The following PARN variants were observed in gnomAD, a reference collection of about 807,000 sequenced individuals.
PARN encodes poly(A)-specific ribonuclease, also known as poly(A)-specific ribonuclease PARN.
In PARN, 71 loss-of-function variants were observed where a neutral mutation model predicts 102.8. The ratio of observed to expected loss-of-function variants is 0.69; its 90% CI spans 0.57 to 0.84. PARN has a LOEUF of 0.84. PARN is among the 40% of genes least tolerant of loss of function. The pLI, the probability that PARN is intolerant of heterozygous loss-of-function variation, is 0.00. For synonymous variants in PARN, 261 were observed against 252.9 expected, an observed-to-expected ratio of 1.03 and a Z score of -0.30; for missense variants, 782 against 760.9, an observed-to-expected ratio of 1.03 and a Z score of -0.33.
chr16:14,614,668 T>C (rs8047128), intron 6 of PARN, among the ~76,000 whole-genome samples: 3 of 151,456 alleles, frequency 2.0e-5, no homozygotes, highest in Admixed American at 6.6e-5. Context: ...CTGGCCGACA[T>C]GGAGAAACTG....
chr16:14,447,038 T>C lies in PARN; in HGVS notation c.1714A>G (p.Ser572Gly). The change falls in exon 23 of 24, where the codon AGT becomes GGT. Residue 572 changes from serine (S) to glycine (G), a missense_variant. Transcript: ENST00000437198. ...STVGKRNLSP[S>G]QEEAGLEDGV... is the part of the protein sequence containing the mutation. ...TCCTCCAGGCCAGCTTCCTCTTGAC[T>C]AGGACTCAAATTTCTCTTTCCTACT... 1 of 1,613,944 alleles carries C rather than the reference T, an allele frequency of 6.2e-7. No homozygotes were observed. Among genetic ancestry groups the C allele is most frequent in the Non-Finnish European group, 8.5e-7 (1 of 1,179,850 alleles).
At chr16:14,556,307 T>C (rs1014127443) in intron 18 of PARN, among the ~76,000 whole-genome samples, 1 of 151,848 alleles carries the variant, frequency 6.6e-6, no homozygotes, top group Non-Finnish European at 1.5e-5. Context: ...TACAGGCGTA[T>C]GCCACCAAGC....
intron 22 of PARN, among the ~76,000 whole-genome samples, chr16:14,479,465 A>G (rs571468240): frequency 1.7e-4 from 26 of 152,180 alleles, no homozygotes; most frequent in Non-Finnish European, 2.9e-4. Context: ...CATAAAATAT[A>G]CAAGATCGCC....
At chr16:14,505,950 A>T (rs932915601) in intron 21 of PARN, among the ~76,000 whole-genome samples, 1 of 152,218 alleles carries the variant, frequency 6.6e-6, no homozygotes, top group African/African-American at 2.4e-5. Context: ...TCAAAGTATT[A>T]CTCACAGAGT....
chr16:14,552,254 C>A (rs1967354592), intron 20 of PARN, among the ~76,000 whole-genome samples, 159 bp from the exon 21 acceptor site: 1 of 152,126 alleles, frequency 6.6e-6, no homozygotes, highest in African/African-American at 2.4e-5. Context: ...AGAGAGTTAG[C>A]CTGTTCAAAG....
At chr16:14,553,980 A>C in intron 20 of PARN, 85 bp downstream of exon 20, 1 of 793,394 alleles carries the variant, frequency 1.3e-6, no homozygotes, top group Non-Finnish European at 2.1e-6. Context: ...TTTTATACGC[A>C]GGCCAAAACT....
intron 22 of PARN, among the ~76,000 whole-genome samples, chr16:14,448,927 G>C (rs2151559171): frequency 6.6e-6 from 1 of 152,322 alleles, no homozygotes; most frequent in South Asian, 2.1e-4. Flanking sequence ...GGGGGTGGCT[G>C]TTAAAAATGT....
chr16:14,498,343 C>T (rs952973483), intron 21 of PARN, among the ~76,000 whole-genome samples: 2 of 152,066 alleles, frequency 1.3e-5, no homozygotes, highest in Non-Finnish European at 2.9e-5. Context: ...TAGAGAGTCA[C>T]AGAAATTCCG....
chr16:14,470,049 TG>T (rs1962623462), intron 22 of PARN, among the ~76,000 whole-genome samples: 1 of 152,200 alleles, frequency 6.6e-6, no homozygotes, highest in Non-Finnish European at 1.5e-5. Flanking sequence ...TAGATGATAA[TG>T]AGACTTTTAA....
intron 22 of PARN, among the ~76,000 whole-genome samples, chr16:14,476,157 T>C (rs1248288987): frequency 6.6e-6 from 1 of 152,178 alleles, no homozygotes; most frequent in African/African-American, 2.4e-5. Context: ...GAACCAGATA[T>C]ATAATTAAAA....
At position 14,627,352 on chromosome 16, in the gene PARN, A is replaced by G. The variant is rs917517465; in HGVS notation, c.178-16T>C. 4 of 1,566,882 alleles carry G rather than the reference A, an allele frequency of 2.6e-6. No individual in the cohort carries two copies. In the African/African-American group the frequency reaches 4.1e-5, roughly 16 times the overall value. On this transcript the variant is annotated splice_polypyrimidine_tract_variant and intron_variant, in intron 3 of 23. Coordinates refer to ENST00000437198, the MANE Select transcript of PARN (RefSeq NM_002582.4). ...CCATGGAATGCTGGAAAAGGGAAATAAAACATCTGTCACAAAAGTGCTGCA... is the reference window on the plus strand; with the variant it reads ...CCATGGAATGCTGGAAAAGGGAAATGAAACATCTGTCACAAAAGTGCTGCA...
chr16:14,589,945 T>A (rs559194501), intron 13 of PARN, among the ~76,000 whole-genome samples: 1 of 151,336 alleles, frequency 6.6e-6, no homozygotes, highest in Admixed American at 6.6e-5. Context: ...CATTAGCTCA[T>A]TAGACTTAAG....
chr16:14,458,899 G>GA (rs1961818962), intron 22 of PARN, among the ~76,000 whole-genome samples: 1 of 152,166 alleles, frequency 6.6e-6, no homozygotes, highest in South Asian at 2.1e-4. Context: ...GAGGCGAAAT[G>GA]AGCTGACGAA....
At chr16:14,627,407 A>G in intron 3 of PARN, 71 bp from the exon 4 acceptor site, 2 of 1,092,972 alleles carry the variant, frequency 1.8e-6, no homozygotes, top group Non-Finnish European at 1.4e-6. Context: ...ATTCTCAAAC[A>G]GGTGGGCTTT....
intron 21 of PARN, among the ~76,000 whole-genome samples, chr16:14,501,113 A>G (rs568052216): frequency 6.6e-6 from 1 of 152,088 alleles, no homozygotes; most frequent in South Asian, 2.1e-4. Flanking sequence ...TCAACTATCC[A>G]GCTTCCACCT....
intron 6 of PARN, among the ~76,000 whole-genome samples, chr16:14,613,791 C>A (rs762659003): frequency 6.6e-6 from 1 of 152,130 alleles, no homozygotes. Context: ...AGTATTGGGA[C>A]AAATGACATC....
At chr16:14,494,117 G>A (rs902068275) in intron 21 of PARN, among the ~76,000 whole-genome samples, 1 of 152,172 alleles carries the variant, frequency 6.6e-6, no homozygotes, top group Non-Finnish European at 1.5e-5. Flanking sequence ...ATACCCACAC[G>A]TTCTGCAGGA....
At chr16:14,487,091 T>C (rs1398360484) in intron 21 of PARN, among the ~76,000 whole-genome samples, 1 of 152,246 alleles carries the variant, frequency 6.6e-6, no homozygotes, top group Non-Finnish European at 1.5e-5. Context: ...GGTGGAAGTC[T>C]TCGCCGGAGG....
intron 18 of PARN, among the ~76,000 whole-genome samples, chr16:14,563,522 G>GTGTGTGTGTGTGTA (rs1423811963): frequency 2.0e-5 from 3 of 149,148 alleles, no homozygotes; most frequent in East Asian, 3.9e-4. Flanking sequence ...GTGTGTGTGT[G>GTGTGTGTGTGTGTA]TATATAATTC....
Sources: gnomAD v4.1 joint callset for allele counts (sites outside exome capture counted in the v4.1 genomes callset) on GRCh38, gnomAD v4.1.1 for gene constraint, MANE v1.5 for transcripts, NCBI Gene and HGNC (gene_info 2026-07-23, HGNC 2026-07-21) for gene names.